Variants in DPYS observed in about 807,000 individuals in gnomAD.
DPYS encodes dihydropyrimidinase, also known as dihydropyrimidine amidohydrolase.
A neutral mutation model predicts 50.3 loss-of-function variants in DPYS; 39 were observed. The ratio of observed to expected loss-of-function variants is 0.78; its 90% CI spans 0.60 to 1.01. The LOEUF is 1.01. DPYS is among the 50% of genes least tolerant of loss of function. The pLI is 0.00. For missense variants in DPYS, 659 were observed against 680.9 expected, an observed-to-expected ratio of 0.97 and a Z score of 0.36; for synonymous variants, 245 against 250.7, an observed-to-expected ratio of 0.98 and a Z score of 0.22.
chr8:104,433,813 G>T (rs1420161608), intron 4 of DPYS, among the ~76,000 whole-genome samples: 1 of 152,094 alleles, frequency 6.6e-6, no homozygotes, highest in Non-Finnish European at 1.5e-5. Flanking sequence ...GGGAAGAGAG[G>T]GGCCACTGTG....
chr8:104,400,569 T>A (rs1457902491), intron 7 of DPYS, among the ~76,000 whole-genome samples: 2 of 152,220 alleles, frequency 1.3e-5, no homozygotes, highest in Non-Finnish European at 2.9e-5. Flanking sequence ...GGATACAGAA[T>A]GATGGAAGCC....
chr8:104,406,632 T>C (rs961531584), intron 7 of DPYS, among the ~76,000 whole-genome samples: 6 of 152,152 alleles, frequency 3.9e-5, no homozygotes, highest in Admixed American at 3.3e-4. Context: ...ACCTGGTCCT[T>C]GCTCTTCCCA....
At chr8:104,463,194 T>G (rs1010372956) in intron 1 of DPYS, among the ~76,000 whole-genome samples, 1 of 152,352 alleles carries the variant, frequency 6.6e-6, no homozygotes, top group South Asian at 2.1e-4. Flanking sequence ...ATTTTTACTT[T>G]ATGCTTTTTC....
intron 8 of DPYS, among the ~76,000 whole-genome samples, chr8:104,388,711 T>C (rs1225854741): frequency 1.3e-5 from 2 of 152,226 alleles, no homozygotes; most frequent in Non-Finnish European, 2.9e-5. Context: ...TATTTTCCCT[T>C]AGGATCAGCT....
At chr8:104,451,475 ATG>A in intron 1 of DPYS, 71 bp from the exon 2 acceptor site, 1 of 1,599,368 alleles carries the variant, frequency 6.3e-7, no homozygotes, top group East Asian at 2.2e-5. Flanking sequence ...ATCTTGAACA[ATG>A]TGCATTTGTA....
intron 1 of DPYS, among the ~76,000 whole-genome samples, chr8:104,463,913 A>G (rs187741682): frequency 2.6e-5 from 4 of 152,230 alleles, no homozygotes; most frequent in East Asian, 1.9e-4. Context: ...ATGTTTATCT[A>G]TATTTCCCCA....
chr8:104,398,637 T>C (rs1218422733), intron 7 of DPYS, among the ~76,000 whole-genome samples: 1 of 152,242 alleles, frequency 6.6e-6, no homozygotes, highest in Non-Finnish European at 1.5e-5. Flanking sequence ...AACACAAATT[T>C]GAGGCCTTTC....
intron 7 of DPYS, chr8:104,418,948 C>G: frequency 5.3e-6 from 5 of 950,852 alleles, no homozygotes; most frequent in Non-Finnish European, 6.3e-6. Context: ...TGCCGAGGTG[C>G]TCCTGTGCAG....
Position 104,451,331 on chromosome 8 carries a change from G to T in DPYS, c.338C>A (p.Ala113Asp), listed in dbSNP as rs372587190. The change falls in exon 2 of 10, where the codon GCC becomes GAC. Residue 113 changes from alanine to aspartate, a missense_variant. Physicochemically the swap from Ala to Asp is moderately radical, Grantham distance 126. Coordinates refer to ENST00000351513, the MANE Select transcript of DPYS (RefSeq NM_001385.3). ...AGCCCAGCTTCGCCAGGTCTCGAAG[G>T]CCTCAATGAGGGAGCCACCTTTCTG... ...IPQKGGSLIE[A>D]FETWRSWADP... 4 of 1,614,068 alleles carry T rather than the reference G, an allele frequency of 2.5e-6. No individual in the cohort carries two copies. Among genetic ancestry groups the T allele is most frequent in the African/African-American group, 1.3e-5 (1 of 74,944 alleles).
chr8:104,461,111 C>G (rs1219970526), intron 1 of DPYS, among the ~76,000 whole-genome samples: 1 of 137,052 alleles, frequency 7.3e-6, no homozygotes, highest in Non-Finnish European at 1.6e-5. Context: ...TAGTGAGACC[C>G]TGTCTCTACA....
At chr8:104,434,174 T>G (rs1292761324) in intron 4 of DPYS, among the ~76,000 whole-genome samples, 1 of 152,210 alleles carries the variant, frequency 6.6e-6, no homozygotes, top group African/African-American at 2.4e-5. Flanking sequence ...TGTCAAATTT[T>G]CTGATTGGCA....
intron 6 of DPYS, among the ~76,000 whole-genome samples, chr8:104,425,641 T>TA (rs1317803305): frequency 4.6e-5 from 7 of 152,036 alleles, no homozygotes; most frequent in South Asian, 2.1e-4. Flanking sequence ...TTTGAAAAGA[T>TA]AAAAAAACAA....
At chr8:104,440,704 A>G (rs1409317492) in intron 4 of DPYS, among the ~76,000 whole-genome samples, 1 of 152,076 alleles carries the variant, frequency 6.6e-6, no homozygotes, top group African/African-American at 2.4e-5. Context: ...GGTTGCAGTG[A>G]GCCAAGATCG....
intron 1 of DPYS, among the ~76,000 whole-genome samples, chr8:104,463,051 GATAA>G (rs1246146261): frequency 2.6e-5 from 4 of 152,106 alleles, no homozygotes; most frequent in Non-Finnish European, 5.9e-5. Flanking sequence ...TCTAGTGATC[GATAA>G]ATAGAGTACC....
Position 104,379,739 on chromosome 8 carries a change from T to C in DPYS, c.*119A>G, listed in dbSNP as rs1394954852. On this transcript the variant is annotated 3_prime_UTR_variant, in exon 10 of 10. Coordinates refer to ENST00000351513, the MANE Select transcript of DPYS (RefSeq NM_001385.3). ...ATCAAAGAAGCCTATAGTGGTGAATTTTTTCTAAAGGATCCTAGGGAGTTG... is the reference window on the plus strand; with the variant it reads ...ATCAAAGAAGCCTATAGTGGTGAATCTTTTCTAAAGGATCCTAGGGAGTTG... The C allele has an allele frequency of 2.2e-6, 1 of 455,484 alleles. No homozygotes were observed. The highest frequency in any genetic ancestry group is 4.4e-6 in the Non-Finnish European group (1 of 226,464). The allele number at this position is 455,484 out of a possible 1,614,324, so 28.2% of individuals were successfully genotyped here.
At chr8:104,453,039 C>A (rs150173465) in intron 1 of DPYS, among the ~76,000 whole-genome samples, 64 of 152,204 alleles carry the variant, frequency 4.2e-4, no homozygotes, top group Admixed American at 1.6e-3. Flanking sequence ...CGGCCCCCAC[C>A]ACCCTCCCCC....
chr8:104,388,442 C>T (rs748367541), intron 8 of DPYS, among the ~76,000 whole-genome samples: 5 of 152,174 alleles, frequency 3.3e-5, no homozygotes, highest in African/African-American at 4.8e-5. Flanking sequence ...GAACTTATAA[C>T]ACTCTAAACA....
At chr8:104,454,149 C>T (rs1813849900) in intron 1 of DPYS, among the ~76,000 whole-genome samples, 1 of 151,834 alleles carries the variant, frequency 6.6e-6, no homozygotes. Context: ...ACTTTGGGAA[C>T]CTGAAGCAGG....
intron 7 of DPYS, chr8:104,420,916 T>C (rs1389779538): frequency 3.3e-5 from 5 of 152,192 alleles, no homozygotes; most frequent in African/African-American, 1.2e-4. Context: ...ATAATACATA[T>C]CTTGTCTTTG....
Sources: gnomAD v4.1 joint callset for allele counts (sites outside exome capture counted in the v4.1 genomes callset) on GRCh38, gnomAD v4.1.1 for gene constraint, MANE v1.5 for transcripts, NCBI Gene and HGNC (gene_info 2026-07-23, HGNC 2026-07-21) for gene names.